Variants in GPRIN3 observed in about 807,000 individuals in gnomAD.
The protein encoded by GPRIN3 is G protein-regulated inducer of neurite outgrowth 3.
A neutral mutation model predicts 13.7 loss-of-function variants in GPRIN3; 12 were observed. The ratio of observed to expected loss-of-function variants is 0.87; its 90% CI spans 0.56 to 1.42. GPRIN3 has a LOEUF of 1.42. GPRIN3 is among the 40% of genes most tolerant of loss of function. The probability of loss-of-function intolerance (pLI) is 0.00; values close to 1 mark genes in which losing one functional copy is unlikely to be tolerated. For synonymous variants in GPRIN3, 377 were observed against 372.7 expected (o/e 1.01, Z -0.13); for missense variants, 1,009 against 958.7 (o/e 1.05, Z -0.69).
chr4:89,281,899 T>C (rs1578103123), intron 1 of GPRIN3, among the ~76,000 whole-genome samples: 1 of 152,112 alleles, frequency 6.6e-6, no homozygotes, highest in East Asian at 1.9e-4. Flanking sequence ...TAATTACAAG[T>C]CTTTCCTCTG....
intron 1 of GPRIN3, among the ~76,000 whole-genome samples, chr4:89,262,519 G>C (rs936344098): frequency 6.6e-6 from 1 of 152,202 alleles, no homozygotes; most frequent in Non-Finnish European, 1.5e-5. Flanking sequence ...CATGCACGCT[G>C]ACGTTTCTGT....
At chr4:89,277,007 G>C (rs1357468861) in intron 1 of GPRIN3, among the ~76,000 whole-genome samples, 1 of 152,112 alleles carries the variant, frequency 6.6e-6, no homozygotes, top group Non-Finnish European at 1.5e-5. Context: ...TAATTTTAAT[G>C]TCTTTTTTTT....
intron 1 of GPRIN3, among the ~76,000 whole-genome samples, chr4:89,257,677 C>T (rs909668887): frequency 1.3e-5 from 2 of 152,184 alleles, no homozygotes; most frequent in African/African-American, 4.8e-5. Flanking sequence ...CAGTTTTACA[C>T]AGGGAAGAGA....
chr4:89,248,017 T>C lies in GPRIN3; in HGVS notation c.2094A>G (p.Ala698=), dbSNP rs1723157865. The change falls in exon 2 of 2, where the codon GCA becomes GCG. Residue 698 remains alanine (A), a synonymous_variant. Coordinates refer to ENST00000609438, the MANE Select transcript of GPRIN3 (RefSeq NM_198281.3). ...TTCCCAGGGACTCTGCGTCCAAGGA[T>C]GCACCATACACTTCCCAGGTCATTC... The part of the protein sequence containing the change: ...EQGMTWEVYG[A]SLDAESLGIA... 6.2e-7 allele frequency: 1 copy of C among 1,614,154 alleles called. No homozygotes were observed. Among genetic ancestry groups the C allele is most frequent in the South Asian group, 1.1e-5 (1 of 91,084 alleles).
Position 89,243,224 on chromosome 4 carries a change from T to C in GPRIN3, c.*4556A>G, listed in dbSNP as rs921827681. The stretch of plus-strand genomic sequence containing the variant: ...AGGATAAAGTTCATGGAAATCTGTT[T>C]CAGTATTTACAAGACTATTTTTTTT... On this transcript the variant is annotated 3_prime_UTR_variant, in exon 2 of 2. Coordinates refer to ENST00000609438, the MANE Select transcript of GPRIN3 (RefSeq NM_198281.3). 1.3e-5 allele frequency: 2 copies of C among 152,334 alleles called. No individual in the cohort carries two copies. Among genetic ancestry groups the C allele is most frequent in the Admixed American group, 1.3e-4 (2 of 15,292 alleles). The allele number at this position is 152,334 out of a possible 1,614,324, so 9.4% of individuals were successfully genotyped here.
At chr4:89,277,889 C>A (rs981132854) in intron 1 of GPRIN3, among the ~76,000 whole-genome samples, 1 of 152,132 alleles carries the variant, frequency 6.6e-6, no homozygotes, top group Non-Finnish European at 1.5e-5. Context: ...CGTTTTCTTC[C>A]GTCTTTCTGC....
At chr4:89,261,526 T>G (rs1049327455) in intron 1 of GPRIN3, among the ~76,000 whole-genome samples, 1 of 152,236 alleles carries the variant, frequency 6.6e-6, no homozygotes, top group African/African-American at 2.4e-5. Flanking sequence ...TCTCATACTC[T>G]ACCTGTGAGA....
Position 89,248,656 on chromosome 4 carries a change from C to G in GPRIN3, c.1455G>C (p.Leu485Phe). ...CAGATGGCCTGGTTTCAAATTTCCC[C>G]AATCCATAACTTGTTTCAGCTTGAC... ...ACSQAETSYG[L>F]GKFETRPSEF... is the part of the protein sequence containing the mutation. Residue 485 changes from leucine (L) to phenylalanine (F), a missense_variant, in exon 2 of 2, where the codon TTG becomes TTC. Transcript: ENST00000609438. 1 of 1,614,154 alleles carries G rather than the reference C, an allele frequency of 6.2e-7. No homozygotes were observed. Among genetic ancestry groups the G allele is most frequent in the South Asian group, 1.1e-5 (1 of 91,082 alleles).
At position 89,239,368 on chromosome 4, in the gene GPRIN3, T is replaced by G. The variant is rs990988025; in HGVS notation, c.*8412A>C. 1.3e-5 allele frequency: 2 copies of G among 152,206 alleles called. No homozygotes were observed. The highest frequency in any genetic ancestry group is 4.8e-5 in the African/African-American group (2 of 41,466). 9.4% of individuals were successfully genotyped at this position (152,206 alleles called of 1,614,324 possible). ...TACACATCTTTCAAAAATAATCACA[T>G]AAATTTATCTTTGAAGCAACCATAA... On this transcript the variant is annotated 3_prime_UTR_variant, in exon 2 of 2. Coordinates refer to ENST00000609438, the MANE Select transcript of GPRIN3 (RefSeq NM_198281.3).
At chr4:89,250,283 T>C in intron 1 of GPRIN3, 50 bp from the exon 2 acceptor site, 1 of 1,289,478 alleles carries the variant, frequency 7.8e-7, no homozygotes, top group Non-Finnish European at 1.0e-6. Flanking sequence ...GCTTAAGGAT[T>C]GAAAAATAAA....
intron 1 of GPRIN3, among the ~76,000 whole-genome samples, chr4:89,253,695 T>C (rs1331464265): frequency 1.3e-5 from 2 of 152,250 alleles, no homozygotes; most frequent in African/African-American, 4.8e-5. Flanking sequence ...TTTATTTCAT[T>C]TGCTTTGCTA....
rs1435566071 is a variant in GPRIN3, at chr4:89,236,924, A to C, written c.*10856T>G. 1 of 152,186 alleles carries C rather than the reference A, an allele frequency of 6.6e-6. No homozygotes were observed. Among genetic ancestry groups the C allele is most frequent in the East Asian group, 1.9e-4 (1 of 5,200 alleles). The allele number at this position is 152,186 out of a possible 1,614,324, so 9.4% of individuals were successfully genotyped here. A position where few individuals can be genotyped will look rare whatever the true frequency, so the allele number is the denominator to read the frequency against. On this transcript the variant is annotated 3_prime_UTR_variant, in exon 2 of 2. Coordinates refer to ENST00000609438, the MANE Select transcript of GPRIN3 (RefSeq NM_198281.3). ...TATTTTTTGTTTTGGCTTTGGGCTAAAAAAACATAGATAACAAGCAAATGC... is the reference window on the plus strand; with the variant it reads ...TATTTTTTGTTTTGGCTTTGGGCTACAAAAACATAGATAACAAGCAAATGC...
chr4:89,291,785 G>A (rs1179559833), intron 1 of GPRIN3, among the ~76,000 whole-genome samples: 6 of 148,332 alleles, frequency 4.0e-5, no homozygotes, highest in Non-Finnish European at 8.9e-5. Flanking sequence ...ACATAGTAGC[G>A]TTCCAGTTGC....
At chr4:89,275,571 T>A (rs1032448764) in intron 1 of GPRIN3, among the ~76,000 whole-genome samples, 1 of 152,216 alleles carries the variant, frequency 6.6e-6, no homozygotes, top group Non-Finnish European at 1.5e-5. Context: ...TCGGGTAAGA[T>A]CTGCTCTGGC....
In GPRIN3 at chr4:89,248,548, A is replaced by G; in HGVS notation, c.1563T>C (p.Ala521=). The change falls in exon 2 of 2, where the codon GCT becomes GCC. Residue 521 remains alanine, a synonymous_variant. Transcript: ENST00000609438. ...TGGGATCCAAGCTCCCAGAATGATC[A>G]GCTTTGCTGATAGAGCCACAAGAGT... The part of the protein sequence containing the change: ...LSDSCGSISK[A]DHSGSLDPTN... 6.2e-7 allele frequency: 1 copy of G among 1,613,130 alleles called. No individual in the cohort carries two copies. Among genetic ancestry groups the G allele is most frequent in the South Asian group, 1.1e-5 (1 of 91,040 alleles).
intron 1 of GPRIN3, among the ~76,000 whole-genome samples, chr4:89,292,277 T>G (rs138813437): frequency 1.4e-4 from 22 of 152,316 alleles, no homozygotes; most frequent in African/African-American, 5.1e-4. Context: ...TCCATTTTCA[T>G]GTATATGTCT....
intron 1 of GPRIN3, among the ~76,000 whole-genome samples, chr4:89,267,860 A>G (rs1335170739): frequency 6.6e-6 from 1 of 152,148 alleles, no homozygotes; most frequent in Non-Finnish European, 1.5e-5. Flanking sequence ...CTTATTCGGG[A>G]AAGGGTGGGT....
intron 1 of GPRIN3, among the ~76,000 whole-genome samples, chr4:89,280,571 T>C (rs1561215352): frequency 6.6e-6 from 1 of 152,232 alleles, no homozygotes; most frequent in Non-Finnish European, 1.5e-5. Flanking sequence ...TCCTGTTTCC[T>C]GAATGCTCTC....
At chr4:89,260,396 C>A (rs1245898426) in intron 1 of GPRIN3, among the ~76,000 whole-genome samples, 5 of 152,190 alleles carry the variant, frequency 3.3e-5, no homozygotes, top group Non-Finnish European at 7.3e-5. Context: ...GGGCCACAAT[C>A]TTCAGGTTTG....
Sources: allele counts gnomAD v4.1 joint callset (sites outside exome capture counted in the v4.1 genomes callset), GRCh38; gene constraint gnomAD v4.1.1; transcripts MANE v1.5; gene names NCBI Gene and HGNC (gene_info 2026-07-23, HGNC 2026-07-21).